AXIN1: variants seen among roughly 807,000 people sequenced by gnomAD.
AXIN1 encodes the protein axin 1, also known as axin-1.
In AXIN1, 30 loss-of-function variants were observed where a neutral mutation model predicts 76.4. The observed-to-expected ratio is 0.39, with a 90% CI of 0.29 to 0.53. The LOEUF (loss-of-function observed/expected upper bound fraction) is 0.53, where lower values mean the gene tolerates loss of function less well. Ranked by LOEUF, AXIN1 falls within the 20% of genes least tolerant of loss-of-function variation. The pLI, the probability that AXIN1 is intolerant of heterozygous loss-of-function variation, is 0.66. For missense variants in AXIN1, 1,140 were observed against 1,198.8 expected (o/e 0.95, Z 0.72); for synonymous variants, 545 against 501.4 (o/e 1.09, Z -1.16).
At chr16:299,139 C>A (rs1004799987) in intron 5 of AXIN1, 26 of 985,282 alleles carry the variant, frequency 2.6e-5, no homozygotes, top group Non-Finnish European at 3.0e-5. Flanking sequence ...TGCTGCCTGA[C>A]GAGCTTCCAC....
intron 4 of AXIN1, among the ~76,000 whole-genome samples, chr16:306,147 G>GCACACACACC (rs1190271572): frequency 6.6e-6 from 1 of 151,740 alleles, no homozygotes; most frequent in African/African-American, 2.4e-5. Context: ...ACATGCGCAG[G>GCACACACACC]CACACACACC....
At chr16:314,726 C>G (rs779567064) in intron 2 of AXIN1, 43 bp from the exon 3 acceptor site, 2 of 1,610,324 alleles carry the variant, frequency 1.2e-6, no homozygotes, top group African/African-American at 2.7e-5. Context: ...AGCCTGCCAA[C>G]AGCCTCTCAT....
chr16:324,178 G>C (rs1333392032), intron 2 of AXIN1, among the ~76,000 whole-genome samples: 1 of 139,792 alleles, frequency 7.2e-6, no homozygotes, highest in Non-Finnish European at 1.5e-5. Flanking sequence ...CCAAGTGTCA[G>C]TGAGCCGCCT....
At position 326,372 on chromosome 16, in the gene AXIN1, A is replaced by AAAT. The variant is rs1380874299; in HGVS notation, c.879-11690_879-11689insATT. Among the ~76,000 whole-genome samples the AAAT allele has an allele frequency of 5.4e-3, 464 of 86,410 alleles. 7 individuals carry two copies. The highest frequency in any genetic ancestry group is 0.027 in the East Asian group (74 of 2,770). 56.7% of individuals were successfully genotyped at this position (86,410 alleles called of 152,430 possible). Reference sequence around the variant, plus strand: ...TCCGTCTCAAAAAAAAAAAAAAAAAAATATATATATATATATATATATACA... The same window carrying AAAT: ...TCCGTCTCAAAAAAAAAAAAAAAAAAAATATATATATATATATATATATATACA... On this transcript the variant is annotated intron_variant, in intron 2 of 10. Transcript: ENST00000262320.
In AXIN1 at chr16:293,199, G is replaced by C. The variant is rs149948957; in HGVS notation, c.2186+289C>G. On this transcript the variant is annotated intron_variant, in intron 8 of 10. Coordinates refer to ENST00000262320, the MANE Select transcript of AXIN1 (RefSeq NM_003502.4). The surrounding 1 kb of genome is among the most constrained non-coding windows in gnomAD (Gnocchi z 4.6). The stretch of plus-strand genomic sequence containing the variant: ...GGCGTTCCCCACACACTGGGGCCCT[G>C]CAGCCTCCCTGCAGACTGGGCTCAG... 2 of 515,046 alleles carry C rather than the reference G, an allele frequency of 3.9e-6. No homozygotes were observed. Among genetic ancestry groups the C allele is most frequent in the Admixed American group, 3.2e-5 (1 of 30,902 alleles). The allele number at this position is 515,046 out of a possible 1,614,324, so 31.9% of individuals were successfully genotyped here.
At chr16:303,765 G>A (rs1364290672) in intron 5 of AXIN1, among the ~76,000 whole-genome samples, 1 of 152,186 alleles carries the variant, frequency 6.6e-6, no homozygotes, top group Admixed American at 6.5e-5. Context: ...TCGTGGCCAT[G>A]TGAAAGGGAC....
At chr16:324,708 A>T (rs576088568) in intron 2 of AXIN1, among the ~76,000 whole-genome samples, 1 of 152,242 alleles carries the variant, frequency 6.6e-6, no homozygotes, top group Non-Finnish European at 1.5e-5. Context: ...GGGGCACCCC[A>T]GGTGAGCGGT....
chr16:333,088 C>G (rs988431601), intron 2 of AXIN1, among the ~76,000 whole-genome samples: 2 of 152,092 alleles, frequency 1.3e-5, no homozygotes, highest in African/African-American at 4.8e-5. Flanking sequence ...AATCCCAGCA[C>G]TTTGGAGGCC....
intron 7 of AXIN1, among the ~76,000 whole-genome samples, chr16:294,998 G>A (rs1449475813): frequency 2.7e-5 from 4 of 148,558 alleles, no homozygotes; most frequent in Non-Finnish European, 4.5e-5. Flanking sequence ...CGGGAGGCGA[G>A]GCTTGCAGTG....
intron 2 of AXIN1, among the ~76,000 whole-genome samples, chr16:333,170 T>A (rs1370684901): frequency 1.3e-5 from 2 of 151,982 alleles, no homozygotes; most frequent in Non-Finnish European, 2.9e-5. Flanking sequence ...CCATCTCTAC[T>A]AAAAATACAA....
chr16:301,539 C>T (rs1336742757), intron 5 of AXIN1, among the ~76,000 whole-genome samples: 4 of 152,088 alleles, frequency 2.6e-5, no homozygotes, highest in Non-Finnish European at 5.9e-5. Flanking sequence ...GCCTGAAATC[C>T]CAGCACTTCG....
At chr16:321,027 T>C (rs565842282) in intron 2 of AXIN1, among the ~76,000 whole-genome samples, 18 of 152,210 alleles carry the variant, frequency 1.2e-4, no homozygotes, top group South Asian at 6.2e-4. Flanking sequence ...CTTAAGCCAC[T>C]GCGCCTGCCC....
intron 2 of AXIN1, among the ~76,000 whole-genome samples, chr16:344,427 C>CT (rs1299496738): frequency 2.5e-5 from 2 of 78,618 alleles, no homozygotes; most frequent in Non-Finnish European, 6.7e-5. Flanking sequence ...AAGACTCCAT[C>CT]TCAAAAAAAA....
Position 293,525 on chromosome 16 carries a change from C to T in AXIN1, c.2149G>A (p.Glu717Lys), listed in dbSNP as rs2141485090. The change falls in exon 8 of 11, where the codon GAA becomes AAA. Residue 717 changes from glutamate (E) to lysine (K), a missense_variant. Physicochemically the swap from Glu to Lys is moderately conservative, Grantham distance 56. Coordinates refer to ENST00000262320, the MANE Select transcript of AXIN1 (RefSeq NM_003502.4). The surrounding 1 kb of genome is among the most constrained non-coding windows in gnomAD (Gnocchi z 4.6). The part of the protein sequence containing the change: ...LEEARRRLEE[E>K]EKRASRAPSK... The stretch of plus-strand genomic sequence containing the variant: ...GGTGCTCGGCTGGCTCTCTTTTCTT[C>T]CTCCTCCAGACGTCGGCGCGCCTCC... 6.2e-7 allele frequency: 1 copy of T among 1,610,806 alleles called. No individual in the cohort carries two copies. The highest frequency in any genetic ancestry group is 1.1e-5 in the South Asian group (1 of 91,040).
chr16:298,386 C>T lies in AXIN1; in HGVS notation c.1255-135G>A, dbSNP rs187653431. ...AGGGTGGCCGGGGGCCCCTCGCCAC[C>T]GGTCCTGTCCCTGAGGATGGAGAGG... is the stretch of plus-strand genomic sequence containing the variant. On this transcript the variant is annotated intron_variant, in intron 5 of 10. Coordinates refer to ENST00000262320, the MANE Select transcript of AXIN1 (RefSeq NM_003502.4). 77 of 1,084,668 alleles carry T rather than the reference C, an allele frequency of 7.1e-5. No homozygotes were observed. In the African/African-American group the frequency reaches 7.2e-4, roughly 10 times the overall value. 67.2% of individuals were successfully genotyped at this position (1,084,668 alleles called of 1,614,324 possible). A position where few individuals can be genotyped will look rare whatever the true frequency, so the allele number is the denominator to read the frequency against.
At chr16:314,415 T>A (rs1169974570) in intron 3 of AXIN1, 128 bp downstream of exon 3, 1 of 1,441,344 alleles carries the variant, frequency 6.9e-7, no homozygotes, top group Non-Finnish European at 9.5e-7. Context: ...ACTTACACGC[T>A]GCCATCCGCA....
At chr16:341,861 A>G (rs914813409) in intron 2 of AXIN1, among the ~76,000 whole-genome samples, 48 of 152,342 alleles carry the variant, frequency 3.2e-4, no homozygotes, top group African/African-American at 1.1e-3. Context: ...GACACTCTGT[A>G]TCTAGCTACT....
chr16:338,485 T>C (rs2053850994), intron 2 of AXIN1, among the ~76,000 whole-genome samples: 1 of 152,258 alleles, frequency 6.6e-6, no homozygotes, highest in Non-Finnish European at 1.5e-5. Flanking sequence ...AAGGGGCCTC[T>C]CGGTTCCAGA....
At chr16:312,269 G>C (rs974047613) in intron 3 of AXIN1, among the ~76,000 whole-genome samples, 29 of 152,136 alleles carry the variant, frequency 1.9e-4, no homozygotes, top group Admixed American at 1.8e-3. Context: ...CTCTTCACCT[G>C]TCCACTTTTT....
Sources: gnomAD v4.1 joint callset for allele counts (sites outside exome capture counted in the v4.1 genomes callset) on GRCh38, gnomAD v4.1.1 for gene constraint, Gnocchi (gnomAD v3.1) non-coding constraint, MANE v1.5 for transcripts, NCBI Gene and HGNC (gene_info 2026-07-23, HGNC 2026-07-21) for gene names.